The following LRSAM1 variants were observed in gnomAD, a reference collection of about 807,000 sequenced individuals.
LRSAM1 encodes leucine rich repeat and sterile alpha motif containing 1.
Under a neutral mutation model 118.1 loss-of-function variants are expected in LRSAM1, and 96 were observed. The observed-to-expected ratio is 0.81, with a 90% CI of 0.69 to 0.96. The LOEUF (loss-of-function observed/expected upper bound fraction) is 0.96. Among genes scored for constraint, LRSAM1 ranks in the 40% least tolerant of loss-of-function variants. The pLI, the probability that LRSAM1 is intolerant of heterozygous loss-of-function variation, is 0.00. For synonymous variants in LRSAM1, 322 were observed against 364.2 expected (o/e 0.88, Z 1.32); for missense variants, 804 against 915.5 (o/e 0.88, Z 1.57).
chr9:127,472,467 C>A (rs1835209711), intron 10 of LRSAM1, among the ~76,000 whole-genome samples: 1 of 151,830 alleles, frequency 6.6e-6, no homozygotes. Flanking sequence ...CATGCGGAAA[C>A]CCTGTCTCTA....
intron 21 of LRSAM1, among the ~76,000 whole-genome samples, chr9:127,493,598 G>A (rs1279137662): frequency 3.9e-5 from 6 of 152,124 alleles, no homozygotes; most frequent in South Asian, 2.1e-4. Context: ...AATGCTCTCC[G>A]AATGCCTTTG....
At chr9:127,468,144 A>G (rs1835029975) in intron 10 of LRSAM1, among the ~76,000 whole-genome samples, 1 of 152,186 alleles carries the variant, frequency 6.6e-6, no homozygotes, top group Non-Finnish European at 1.5e-5. Context: ...CTGTTCCGCC[A>G]GTAGGTGCAT....
At chr9:127,471,786 C>CAAAAA (rs962910881) in intron 10 of LRSAM1, among the ~76,000 whole-genome samples, 1 of 148,256 alleles carries the variant, frequency 6.7e-6, no homozygotes, top group Non-Finnish European at 1.5e-5. Flanking sequence ...GACTCCATCT[C>CAAAAA]AAAAAAAAAG....
chr9:127,468,258 C>T (rs1466550718), intron 10 of LRSAM1, among the ~76,000 whole-genome samples: 1 of 152,006 alleles, frequency 6.6e-6, no homozygotes, highest in African/African-American at 2.4e-5. Flanking sequence ...AGTGCCCGGG[C>T]CCAGTGTCCA....
intron 16 of LRSAM1, among the ~76,000 whole-genome samples, chr9:127,484,169 C>A (rs1292154719): frequency 6.6e-6 from 1 of 151,152 alleles, no homozygotes; most frequent in African/African-American, 2.4e-5. Context: ...TATGTGGAAT[C>A]ATACAATATT....
At chr9:127,473,670 C>T in intron 10 of LRSAM1, 131 bp from the exon 11 acceptor site, 5 of 1,317,380 alleles carry the variant, frequency 3.8e-6, no homozygotes, top group Non-Finnish European at 5.4e-6. Flanking sequence ...ACACGAAGCG[C>T]CCAGGCTAGG....
chr9:127,478,752 A>G (rs1409992963), intron 11 of LRSAM1, among the ~76,000 whole-genome samples, 182 bp from the exon 12 acceptor site: 1 of 152,128 alleles, frequency 6.6e-6, no homozygotes, highest in Non-Finnish European at 1.5e-5. Context: ...TGTCCACTGG[A>G]ACCACCTGGT....
At chr9:127,490,043 T>C (rs1312609309) in intron 19 of LRSAM1, among the ~76,000 whole-genome samples, 2 of 151,974 alleles carry the variant, frequency 1.3e-5, no homozygotes, top group African/African-American at 4.8e-5. Context: ...CCCTCCCTCA[T>C]GTGACAAGAT....
chr9:127,466,993 G>C (rs1371693217), intron 9 of LRSAM1, among the ~76,000 whole-genome samples: 1 of 152,102 alleles, frequency 6.6e-6, no homozygotes, highest in African/African-American at 2.4e-5. Context: ...ATGAGACCCT[G>C]TCTCAGAAAA....
chr9:127,491,459 C>T (rs1470373031), intron 20 of LRSAM1, among the ~76,000 whole-genome samples, 164 bp downstream of exon 20: 2 of 152,208 alleles, frequency 1.3e-5, no homozygotes, highest in African/African-American at 4.8e-5. Flanking sequence ...AGGACACCCC[C>T]CAGCCCCAGA....
chr9:127,480,131 G>A (rs1041256191), intron 14 of LRSAM1, among the ~76,000 whole-genome samples, 153 bp downstream of exon 14: 3 of 152,182 alleles, frequency 2.0e-5, no homozygotes, highest in Non-Finnish European at 2.9e-5. Context: ...TGGCACCAGC[G>A]TAGAGAGAAA....
At position 127,503,025 on chromosome 9, in the gene LRSAM1, C is replaced by T; in HGVS notation, c.*126C>T. The T allele has an allele frequency of 7.7e-7, 1 of 1,302,630 alleles. No homozygotes were observed. The highest frequency in any genetic ancestry group is 1.1e-6 in the Non-Finnish European group (1 of 937,328). 80.7% of individuals were successfully genotyped at this position (1,302,630 alleles called of 1,614,324 possible). On this transcript the variant is annotated 3_prime_UTR_variant, in exon 26 of 26. Transcript: ENST00000300417. ...CCCCCTGCCCTGGGCCCCTTCCCCA[C>T]TGCCCAGGAGCCCCCATCCTAAGCT...
At chr9:127,490,918 T>C (rs1835909638) in intron 19 of LRSAM1, among the ~76,000 whole-genome samples, 1 of 152,116 alleles carries the variant, frequency 6.6e-6, no homozygotes, top group Non-Finnish European at 1.5e-5. Flanking sequence ...CCCCTCTCCA[T>C]TGCACAAGCC....
chr9:127,495,181 G>C, intron 21 of LRSAM1, 139 bp from the exon 22 acceptor site: 1 of 685,568 alleles, frequency 1.5e-6, no homozygotes, highest in Non-Finnish European at 2.6e-6. Flanking sequence ...TTGAACTCCC[G>C]ACCTCAGGTG....
chr9:127,460,374 G>C (rs770257786), intron 7 of LRSAM1, among the ~76,000 whole-genome samples: 15 of 152,198 alleles, frequency 9.9e-5, no homozygotes, highest in Admixed American at 3.3e-4. Context: ...CTTCTGGAGG[G>C]AGCACAGCTT....
At position 127,501,139 on chromosome 9, in the gene LRSAM1, G is replaced by A. The variant is rs143479340; in HGVS notation, c.2042G>A (p.Arg681Gln). 1.4e-4 allele frequency: 223 copies of A among 1,613,046 alleles called. 1 individual carries two copies. The highest frequency in any genetic ancestry group is 6.7e-4 in the African/African-American group (50 of 75,000). Reference protein sequence around the residue: ...QASECVVCLEREAQMIFLNCG... With the variant: ...QASECVVCLEQEAQMIFLNCG... Reference sequence around the variant, plus strand: ...TCAGAGTGTGTCGTGTGCCTGGAACGGGAGGTAAGTCCGGGGCCCTCCCCA... The same window carrying A: ...TCAGAGTGTGTCGTGTGCCTGGAACAGGAGGTAAGTCCGGGGCCCTCCCCA... Residue 681 changes from arginine to glutamine, a missense_variant, in exon 25 of 26, where the codon CGG (arginine) becomes CAG (glutamine). By Grantham distance (43) the Arg-to-Gln change is conservative (BLOSUM62 1). Transcript: ENST00000300417.
intron 16 of LRSAM1, 150 bp downstream of exon 16, chr9:127,483,170 T>G (rs960417628): frequency 9.4e-6 from 7 of 747,150 alleles, no homozygotes; most frequent in Non-Finnish European, 1.6e-5. Flanking sequence ...GCACAGGCTC[T>G]GGGGTCAGCC....
intron 6 of LRSAM1, 147 bp from the exon 7 acceptor site, chr9:127,458,856 T>C (rs1834627022): frequency 1.4e-6 from 1 of 719,520 alleles, no homozygotes; most frequent in Non-Finnish European, 2.5e-6. Context: ...GAGGCGGGAA[T>C]GATCAACACT....
rs763980228 is a variant in LRSAM1, at chr9:127,476,417, A to G, written c.750+2486A>G. The stretch of plus-strand genomic sequence containing the variant: ...AAAAAAATTAGCCAGGCATAGTGGC[A>G]CGTGCCTGTGGTCCCAGCTACGAGG... On this transcript the variant is annotated intron_variant, in intron 11 of 25. Coordinates refer to ENST00000300417, the MANE Select transcript of LRSAM1 (RefSeq NM_001005373.4). Among the ~76,000 whole-genome samples, 7 of 152,240 alleles carry G rather than the reference A, an allele frequency of 4.6e-5. 1 individual carries two copies. The South Asian group carries it at 6.2e-4, about 14-fold the overall frequency.
Sources: gnomAD v4.1 joint callset for allele counts (sites outside exome capture counted in the v4.1 genomes callset) on GRCh38, gnomAD v4.1.1 for gene constraint, MANE v1.5 for transcripts, NCBI Gene and HGNC (gene_info 2026-07-23, HGNC 2026-07-21) for gene names.